Variants in SLC25A13 observed in about 807,000 individuals in gnomAD.
SLC25A13 encodes the protein solute carrier family 25 member 13.
In SLC25A13, 70 loss-of-function variants were observed where a neutral mutation model predicts 85.5. The observed-to-expected ratio is 0.82, with a 90% CI of 0.68 to 1.00. SLC25A13 has a LOEUF of 1.00. SLC25A13 is among the 50% of genes least tolerant of loss of function. SLC25A13 has a pLI of 0.00. For missense variants in SLC25A13, 765 were observed against 819.8 expected, an observed-to-expected ratio of 0.93 and a Z score of 0.82; for synonymous variants, 259 against 288.7, an observed-to-expected ratio of 0.90 and a Z score of 1.04.
intron 3 of SLC25A13, among the ~76,000 whole-genome samples, chr7:96,266,756 G>A (rs563738027): frequency 6.6e-6 from 1 of 152,098 alleles, no homozygotes; most frequent in African/African-American, 2.4e-5. Context: ...CCTGCCCCAT[G>A]ATTTCAGACA....
At chr7:96,221,175 T>G (rs1796115129) in intron 4 of SLC25A13, among the ~76,000 whole-genome samples, 1 of 152,200 alleles carries the variant, frequency 6.6e-6, no homozygotes, top group African/African-American at 2.4e-5. Flanking sequence ...TAGTGGATTT[T>G]TGACCCAATG....
At chr7:96,239,729 G>A (rs189089793) in intron 3 of SLC25A13, among the ~76,000 whole-genome samples, 94 of 152,054 alleles carry the variant, frequency 6.2e-4, no homozygotes, top group African/African-American at 2.2e-3. Context: ...ATTAGGGGAG[G>A]GTAGGTTTCT....
chr7:96,278,658 C>T (rs1000793444), intron 2 of SLC25A13, among the ~76,000 whole-genome samples: 8 of 152,158 alleles, frequency 5.3e-5, no homozygotes, highest in African/African-American at 9.7e-5. Flanking sequence ...CTTAGCACAA[C>T]GCCCTATACA....
chr7:96,234,716 C>A, intron 4 of SLC25A13, 86 bp downstream of exon 4: 4 of 1,009,466 alleles, frequency 4.0e-6, no homozygotes, highest in Non-Finnish European at 6.2e-6. Context: ...TTTCCATACA[C>A]TTTATTTTGT....
chr7:96,287,422 C>T (rs1402285645), intron 2 of SLC25A13, among the ~76,000 whole-genome samples: 1 of 152,180 alleles, frequency 6.6e-6, no homozygotes, highest in Non-Finnish European at 1.5e-5. Flanking sequence ...AGTACTTCCC[C>T]ATTTATACCA....
intron 12 of SLC25A13, among the ~76,000 whole-genome samples, chr7:96,170,790 A>G (rs1000717891): frequency 1.3e-5 from 2 of 152,248 alleles, no homozygotes; most frequent in Admixed American, 6.5e-5. Context: ...TACGCAGCCC[A>G]ACCTAAAGCT....
chr7:96,153,601 G>A (rs995116195), intron 13 of SLC25A13, among the ~76,000 whole-genome samples: 2 of 152,364 alleles, frequency 1.3e-5, no homozygotes, highest in East Asian at 1.9e-4. Flanking sequence ...TCTATTAAGA[G>A]TCACTGTGTG....
chr7:96,171,648 A>T (rs1794008058), intron 11 of SLC25A13, 124 bp from the exon 12 acceptor site: 1 of 779,756 alleles, frequency 1.3e-6, no homozygotes, highest in Non-Finnish European at 2.2e-6. Flanking sequence ...TTCTGCTATT[A>T]CCCTTAATGA....
chr7:96,185,754 G>T (rs1281065906), intron 9 of SLC25A13, among the ~76,000 whole-genome samples: 1 of 151,866 alleles, frequency 6.6e-6, no homozygotes, highest in African/African-American at 2.4e-5. Context: ...AAAAAAATTA[G>T]CTGGGTGTGG....
In SLC25A13 at chr7:96,120,835, A is replaced by G; in HGVS notation, c.*356T>C. Reference sequence around the variant, plus strand: ...ACGAAACACTGCTCTGAGCACCATGATTGCCTTACAGTAGCCTCTTTGGGA... The same window carrying G: ...ACGAAACACTGCTCTGAGCACCATGGTTGCCTTACAGTAGCCTCTTTGGGA... On this transcript the variant is annotated 3_prime_UTR_variant, in exon 18 of 18. Transcript: ENST00000265631. 2.1e-6 allele frequency: 1 copy of G among 470,018 alleles called. No individual in the cohort carries two copies. Among genetic ancestry groups the G allele is most frequent in the Non-Finnish European group, 4.2e-6 (1 of 237,594 alleles). 29.1% of individuals were successfully genotyped at this position (470,018 alleles called of 1,614,324 possible).
intron 5 of SLC25A13, among the ~76,000 whole-genome samples, chr7:96,203,835 T>C (rs141025598): frequency 2.6e-4 from 39 of 152,334 alleles, no homozygotes; most frequent in African/African-American, 8.9e-4. Flanking sequence ...TGGCAATTAA[T>C]GGGTAGGGGT....
chr7:96,172,111 C>A (rs1794027398), intron 11 of SLC25A13, among the ~76,000 whole-genome samples: 1 of 152,190 alleles, frequency 6.6e-6, no homozygotes, highest in Non-Finnish European at 1.5e-5. Context: ...AAAGTCCACT[C>A]ACAGCCTCTT....
At chr7:96,204,403 G>A (rs1298286519) in intron 5 of SLC25A13, among the ~76,000 whole-genome samples, 4 of 152,104 alleles carry the variant, frequency 2.6e-5, no homozygotes, top group Admixed American at 6.6e-5. Context: ...GGCTGGGCAC[G>A]GTGGCTCATG....
chr7:96,219,547 A>T (rs1340776606), intron 4 of SLC25A13: 2 of 366,708 alleles, frequency 5.5e-6, no homozygotes, highest in Non-Finnish European at 1.1e-5. Flanking sequence ...CTGTTTCCTC[A>T]TCCATGAAAG....
At position 96,185,067 on chromosome 7, in the gene SLC25A13, T is replaced by A; in HGVS notation, c.934-56A>T. 3.5e-6 allele frequency: 5 copies of A among 1,439,800 alleles called. No individual in the cohort carries two copies. The Admixed American group carries it at 5.8e-5, about 17-fold the overall frequency. 89.2% of individuals were successfully genotyped at this position (1,439,800 alleles called of 1,614,324 possible). ...GGAAAACAGGTGACAGAAAAGAAGATAAAACAAAAATGACCATACATTAAC... is the reference window on the plus strand; with the variant it reads ...GGAAAACAGGTGACAGAAAAGAAGAAAAAACAAAAATGACCATACATTAAC... On this transcript the variant is annotated intron_variant, in intron 9 of 17. Transcript: ENST00000265631.
intron 5 of SLC25A13, among the ~76,000 whole-genome samples, chr7:96,206,014 A>C (rs1030661901): frequency 6.6e-6 from 1 of 152,190 alleles, no homozygotes; most frequent in African/African-American, 2.4e-5. Flanking sequence ...ATACATACAT[A>C]ATAAGCACAG....
intron 4 of SLC25A13, among the ~76,000 whole-genome samples, chr7:96,231,014 G>C (rs767653366): frequency 6.6e-6 from 1 of 152,154 alleles, no homozygotes; most frequent in Non-Finnish European, 1.5e-5. Flanking sequence ...GGGAGGCTGA[G>C]GCACAATAAT....
intron 14 of SLC25A13, among the ~76,000 whole-genome samples, chr7:96,145,232 A>G (rs1224213603): frequency 2.0e-5 from 3 of 152,152 alleles, no homozygotes; most frequent in Non-Finnish European, 2.9e-5. Context: ...TTAATCCCAG[A>G]AAAGAGGGCA....
At chr7:96,183,988 CA>C (rs1794522377) in intron 11 of SLC25A13, among the ~76,000 whole-genome samples, 1 of 152,074 alleles carries the variant, frequency 6.6e-6, no homozygotes, top group Non-Finnish European at 1.5e-5. Context: ...TTCAAGGATG[CA>C]AACAATGTGA....
Sources: gnomAD v4.1 joint callset for allele counts (sites outside exome capture counted in the v4.1 genomes callset) on GRCh38, gnomAD v4.1.1 for gene constraint, MANE v1.5 for transcripts, NCBI Gene and HGNC (gene_info 2026-07-23, HGNC 2026-07-21) for gene names.